Variants in TNIK observed in about 807,000 individuals in gnomAD.
The protein encoded by TNIK is TRAF2 and NCK interacting kinase.
TNIK carries 49 observed loss-of-function variants against 191.3 expected under a neutral mutation model. The observed-to-expected ratio is 0.26, with a 90% CI of 0.20 to 0.32. The LOEUF (loss-of-function observed/expected upper bound fraction) is 0.32. TNIK is among the 10% of genes least tolerant of loss of function. The probability of loss-of-function intolerance (pLI) is 1.00; values close to 1 mark genes in which losing one functional copy is unlikely to be tolerated. For synonymous variants in TNIK, 594 were observed against 600.9 expected (o/e 0.99, Z 0.17); for missense variants, 1,155 against 1,702.3 (o/e 0.68, Z 5.66).
intron 1 of TNIK, among the ~76,000 whole-genome samples, chr3:171,416,040 G>GA (rs1241643822): frequency 1.8e-5 from 2 of 109,554 alleles, no homozygotes; most frequent in Non-Finnish European, 4.0e-5. Context: ...AAGAAAGAAA[G>GA]AAAAAATTAA....
intron 2 of TNIK, among the ~76,000 whole-genome samples, chr3:171,265,121 G>A (rs986104403): frequency 1.3e-5 from 2 of 152,224 alleles, no homozygotes; most frequent in African/African-American, 4.8e-5. Flanking sequence ...ATTTGAGAAT[G>A]TGAAAGTGAA....
At chr3:171,182,694 C>T (rs1019700873) in intron 7 of TNIK, among the ~76,000 whole-genome samples, 3 of 152,190 alleles carry the variant, frequency 2.0e-5, no homozygotes, top group African/African-American at 4.8e-5. Flanking sequence ...ACACAAGCAA[C>T]TTGAACAGAA....
rs1248937337 is a variant in TNIK at position 171,326,704 on chromosome 3, G to C, written c.123+42916C>G. 3.3e-5 allele frequency among the ~76,000 whole-genome samples: 5 copies of C among 152,114 alleles called. No homozygotes were observed. The East Asian group carries it at 7.7e-4, about 23-fold the overall frequency. ...CAATTCACTTAAAAAAAAAATTCCA[G>C]ATAATGCAAATGCTTCTAGTCTGGA... On this transcript the variant is annotated intron_variant, in intron 2 of 32. Transcript: ENST00000436636.
chr3:171,108,232 A>C, intron 19 of TNIK, 70 bp from the exon 20 acceptor site: 3 of 1,205,680 alleles, frequency 2.5e-6, no homozygotes, highest in Non-Finnish European at 3.4e-6. Flanking sequence ...TTCTGAATGA[A>C]TTATCTGTGA....
intron 5 of TNIK, 70 bp from the exon 6 acceptor site, chr3:171,190,857 G>T: frequency 8.1e-7 from 1 of 1,230,350 alleles, no homozygotes; most frequent in Non-Finnish European, 1.1e-6. Context: ...TATTTTGACT[G>T]TTAAGGATCC....
In TNIK at chr3:171,066,578, A is replaced by G; in HGVS notation, c.3857T>C (p.Val1286Ala). 1.2e-6 allele frequency: 2 copies of G among 1,612,640 alleles called. No individual in the cohort carries two copies. The highest frequency in any genetic ancestry group is 1.7e-6 in the Non-Finnish European group (2 of 1,179,730). ...GAGATAAGGAATGGTTAACCTACCC[A>G]CAGACGTGGGCATTTCTCCCCATTG... ...VLQWGEMPTS[V>A]AYIHSNQIMG... The change falls in exon 31 of 33, where the codon GTG (valine) becomes GCG (alanine). Residue 1286 changes from valine (V) to alanine (A), a missense_variant and splice_region_variant. Coordinates refer to ENST00000436636, the MANE Select transcript of TNIK (RefSeq NM_015028.4).
At chr3:171,327,427 G>A (rs1755894245) in intron 2 of TNIK, among the ~76,000 whole-genome samples, 1 of 152,190 alleles carries the variant, frequency 6.6e-6, no homozygotes, top group East Asian at 1.9e-4. Flanking sequence ...CCAAGGGACT[G>A]GTTCTACCCA....
chr3:171,349,793 T>C (rs1420367341), intron 2 of TNIK, among the ~76,000 whole-genome samples: 2 of 152,234 alleles, frequency 1.3e-5, no homozygotes, highest in Non-Finnish European at 2.9e-5. Flanking sequence ...GTATTCTAGT[T>C]ACACCGAGCA....
At chr3:171,233,020 TAC>T (rs918791989) in intron 2 of TNIK, among the ~76,000 whole-genome samples, 1 of 152,316 alleles carries the variant, frequency 6.6e-6, no homozygotes, top group African/African-American at 2.4e-5. Flanking sequence ...GAAGACAGAA[TAC>T]TTTCATTTCT....
intron 2 of TNIK, among the ~76,000 whole-genome samples, chr3:171,358,746 C>T (rs1714530602): frequency 6.6e-6 from 1 of 152,124 alleles, no homozygotes; most frequent in African/African-American, 2.4e-5. Flanking sequence ...GTGGGGCGGT[C>T]AGTCACCTGC....
chr3:171,429,998 T>C (rs1383811348), intron 1 of TNIK, among the ~76,000 whole-genome samples: 6 of 152,028 alleles, frequency 3.9e-5, no homozygotes, highest in Admixed American at 3.3e-4. Flanking sequence ...TGGGGACCCA[T>C]CCCAGACCTA....
chr3:171,407,417 G>T (rs1334403754), intron 1 of TNIK, among the ~76,000 whole-genome samples: 1 of 152,146 alleles, frequency 6.6e-6, no homozygotes. Flanking sequence ...TGTTGCTTTG[G>T]TCCATTTCTT....
intron 2 of TNIK, among the ~76,000 whole-genome samples, chr3:171,230,911 T>C (rs9838981): frequency 0.097 from 14,839 of 152,196 alleles, 773 homozygotes; most frequent in South Asian, 0.15. Flanking sequence ...GTGAACTCCC[T>C]TGGTTCAAGC....
chr3:171,093,694 TCAA>T (rs1722352873), intron 23 of TNIK, 142 bp downstream of exon 23: 1 of 1,032,170 alleles, frequency 9.7e-7, no homozygotes, highest in African/African-American at 1.6e-5. Flanking sequence ...TTAAAATCAC[TCAA>T]CTATTTGGAA....
chr3:171,070,146 AT>A (rs1480490194), intron 29 of TNIK, among the ~76,000 whole-genome samples: 1 of 152,232 alleles, frequency 6.6e-6, no homozygotes, highest in Non-Finnish European at 1.5e-5. Flanking sequence ...TTTAGGAGTT[AT>A]CCCTTGTTAT....
intron 2 of TNIK, among the ~76,000 whole-genome samples, chr3:171,262,357 C>G (rs567307591): frequency 6.6e-6 from 1 of 152,176 alleles, no homozygotes; most frequent in East Asian, 1.9e-4. Context: ...TCACTTTCAT[C>G]TGAAAGTGAT....
intron 4 of TNIK, among the ~76,000 whole-genome samples, chr3:171,200,200 G>T (rs779861426): frequency 6.6e-6 from 1 of 152,136 alleles, no homozygotes; most frequent in Non-Finnish European, 1.5e-5. Flanking sequence ...ACTCAACACC[G>T]CCTAAATAAA....
intron 4 of TNIK, among the ~76,000 whole-genome samples, chr3:171,200,042 A>ATGTTTT (rs539651962): frequency 6.6e-6 from 1 of 152,184 alleles, no homozygotes; most frequent in African/African-American, 2.4e-5. Context: ...CCAGAGACAC[A>ATGTTTT]TGTTTTTGTT....
chr3:171,161,197 A>G, intron 11 of TNIK, 73 bp downstream of exon 11: 1 of 1,511,608 alleles, frequency 6.6e-7, no homozygotes, highest in African/African-American at 1.4e-5. Context: ...CCTATAAATC[A>G]AAAGGAAAGT....
Sources: gnomAD v4.1 joint callset for allele counts (sites outside exome capture counted in the v4.1 genomes callset) on GRCh38, gnomAD v4.1.1 for gene constraint, MANE v1.5 for transcripts, NCBI Gene and HGNC (gene_info 2026-07-23, HGNC 2026-07-21) for gene names.